Variants in NAGPA observed in about 807,000 individuals in gnomAD.
The protein encoded by NAGPA is alpha-N-acetylglucosaminyl phosphodiesterase.
Under a neutral mutation model 48.5 loss-of-function variants are expected in NAGPA, and 56 were observed. The ratio of observed to expected loss-of-function variants is 1.15; its 90% CI spans 0.93 to 1.44. The LOEUF is 1.44. Among genes scored for constraint, NAGPA ranks in the 40% most tolerant of loss-of-function variants. NAGPA has a pLI of 0.00. For synonymous variants in NAGPA, 399 were observed against 315.5 expected, an observed-to-expected ratio of 1.26 and a Z score of -2.81; for missense variants, 888 against 735.0, an observed-to-expected ratio of 1.21 and a Z score of -2.41.
At position 5,033,586 on chromosome 16, in the gene NAGPA, C is replaced by A; in HGVS notation, c.229G>T (p.Ala77Ser). The A allele has an allele frequency of 6.7e-7, 1 of 1,485,078 alleles. No individual in the cohort carries two copies. The highest frequency in any genetic ancestry group is 8.9e-7 in the Non-Finnish European group (1 of 1,129,084). 92.0% of individuals were successfully genotyped at this position (1,485,078 alleles called of 1,614,324 possible). ...PPATPGAGGL[A>S]VRTFVSHFRD... The stretch of plus-strand genomic sequence containing the variant: ...AAGTGCGACACGAAGGTGCGCACGG[C>A]CAGACCGCCGGCGCCGGGAGTCGCG... The change falls in exon 2 of 10, where the codon GCC (alanine) becomes TCC (serine). Residue 77 changes from alanine to serine, a missense_variant. Transcript: ENST00000312251. The surrounding 1 kb of genome is among the most constrained non-coding windows in gnomAD (Gnocchi z 4.2).
chr16:5,032,694 A>G (rs987602376), intron 2 of NAGPA, among the ~76,000 whole-genome samples: 1 of 151,572 alleles, frequency 6.6e-6, no homozygotes, highest in Non-Finnish European at 1.5e-5. Flanking sequence ...AAAAAAAATC[A>G]TCAGTCTTGA....
chr16:5,027,845 C>T lies in NAGPA; in HGVS notation c.1174+1G>A. ...TCCGCTAGTGGCGTGGCAGCTCCTA[C>T]CTTCACTGCAGTTGGACCCGGTCCA... On this transcript the variant is annotated splice_donor_variant, in intron 7 of 9. Coordinates refer to ENST00000312251, the MANE Select transcript of NAGPA (RefSeq NM_016256.4). LOFTEE classifies it high-confidence loss of function. 6.4e-7 allele frequency: 1 copy of T among 1,558,556 alleles called. No homozygotes were observed. Among genetic ancestry groups the T allele is most frequent in the Non-Finnish European group, 8.7e-7 (1 of 1,151,118 alleles).
chr16:5,029,699 G>GGATC (rs1171449001), intron 4 of NAGPA: 6 of 159,720 alleles, frequency 3.8e-5, no homozygotes, highest in Non-Finnish European at 6.9e-5. Context: ...CGAGGTAGAT[G>GGATC]GATCACCTGA....
chr16:5,025,653 G>C lies in NAGPA; in HGVS notation c.1373C>G (p.Ala458Gly), dbSNP rs139147456. The change falls in exon 10 of 10, where the codon GCC becomes GGC. Residue 458 changes from alanine to glycine, a missense_variant. Transcript: ENST00000312251. ...TGCAGTGCTGATCAGCAGGAGGAAG[G>C]CCAGCGCCAGGGTGAGGGCTAGCCA... is the stretch of plus-strand genomic sequence containing the variant. ...TAWLALTLAL[A>G]FLLLISTAAN... The C allele has an allele frequency of 1.3e-5, 21 of 1,612,978 alleles. No homozygotes were observed. The African/African-American group carries it at 2.1e-4, about 16-fold the overall frequency.
chr16:5,027,408 AGG>A, intron 7 of NAGPA, 29 bp from the exon 8 acceptor site: 2 of 1,608,658 alleles, frequency 1.2e-6, no homozygotes, highest in Non-Finnish European at 1.7e-6. Context: ...AGGAGGGAGG[AGG>A]GAGGAGAAAG....
Position 5,033,626 on chromosome 16 carries a change from A to C in NAGPA, c.189T>G (p.Ser63Arg). ...RVRAGNREHE[S>R]WPPPPATPGA... is the part of the protein sequence containing the mutation. ...CGGGAGTCGCGGGAGGCGGAGGCCA[A>C]CTCTCGTGCTCGCGGTTGCCGGCGC... Residue 63 changes from serine to arginine, a missense_variant, in exon 2 of 10, where the codon AGT becomes AGG. Physicochemically the swap from Ser to Arg is moderately radical, Grantham distance 110. Coordinates refer to ENST00000312251, the MANE Select transcript of NAGPA (RefSeq NM_016256.4). This position sits in a 1 kb window ranked among gnomAD's most constrained non-coding sequence, Gnocchi z 4.2. 1 of 1,527,504 alleles carries C rather than the reference A, an allele frequency of 6.5e-7. No individual in the cohort carries two copies. The highest frequency in any genetic ancestry group is 2.1e-5 in the Admixed American group (1 of 48,270). 94.6% of individuals were successfully genotyped at this position (1,527,504 alleles called of 1,614,324 possible). A position where few individuals can be genotyped will look rare whatever the true frequency, so the allele number is the denominator to read the frequency against.
rs200736428 is a variant in NAGPA at position 5,031,751 on chromosome 16, C to G, written c.676G>C (p.Glu226Gln). Residue 226 changes from glutamate to glutamine, a missense_variant, in exon 3 of 10, where the codon GAG becomes CAG. Physicochemically the swap from Glu to Gln is conservative, Grantham distance 29. Transcript: ENST00000312251. ...SQATECDETQ[E>Q]TGSFSKFVNV... ...AACAGCCTCCCCATCCAACCTGTCT[C>G]CTGTGTCTCGTCACACTCTGTGGCT... The G allele has an allele frequency of 1.0e-4, 167 of 1,614,110 alleles. 3 individuals carry two copies. The Middle Eastern group carries it at 6.4e-3, about 62-fold the overall frequency.
chr16:5,025,453 G>A lies in NAGPA; in HGVS notation c.*25C>T, dbSNP rs372213990. ...CCGTGGGGAAACAAGCTTTCGCGAC[G>A]TGCCACCCCGGGCAGCTTGAGGCTT... On this transcript the variant is annotated 3_prime_UTR_variant, in exon 10 of 10. Transcript: ENST00000312251. 53 of 1,609,936 alleles carry A rather than the reference G, an allele frequency of 3.3e-5. No individual in the cohort carries two copies. The highest frequency in any genetic ancestry group is 1.1e-4 in the South Asian group (10 of 90,984).
At chr16:5,028,704 T>A in intron 5 of NAGPA, 176 bp downstream of exon 5, 21 of 894,548 alleles carry the variant, frequency 2.3e-5, no homozygotes, top group Non-Finnish European at 2.1e-5. Flanking sequence ...GCTGACCAAC[T>A]GACCCTGCTC....
intron 4 of NAGPA, chr16:5,029,251 G>GT (rs1956060620): frequency 1.8e-6 from 1 of 569,552 alleles, no homozygotes; most frequent in African/African-American, 1.9e-5. Flanking sequence ...GAGGATCTGG[G>GT]TGCAGCCACT....
intron 9 of NAGPA, among the ~76,000 whole-genome samples, chr16:5,026,367 G>T (rs910588281): frequency 6.6e-6 from 1 of 151,882 alleles, no homozygotes. Context: ...CCAACATGGC[G>T]AAATCCTGTC....
intron 5 of NAGPA, 193 bp from the exon 6 acceptor site, chr16:5,028,378 G>C: frequency 9.1e-7 from 1 of 1,098,288 alleles, no homozygotes; most frequent in Non-Finnish European, 1.3e-6. Context: ...GTAACCGTAA[G>C]GTGTGCACCA....
chr16:5,030,682 A>T, intron 3 of NAGPA, 189 bp from the exon 4 acceptor site: 1 of 648,450 alleles, frequency 1.5e-6, no homozygotes, highest in Non-Finnish European at 2.8e-6. Flanking sequence ...CTCTTCTTAC[A>T]GGTAAACCAA....
In NAGPA at chr16:5,031,728, CA is replaced by C. The variant is rs1956099502; in HGVS notation, c.682+16del. 6.2e-7 allele frequency: 1 copy of C among 1,613,930 alleles called. No homozygotes were observed. The highest frequency in any genetic ancestry group is 8.5e-7 in the Non-Finnish European group (1 of 1,179,958). ...TGGTTCTCGAGAGGGTTGTTGCCAACAGCCTCCCCATCCAACCTGTCTCCTG... is the reference window on the plus strand; with the variant it reads ...TGGTTCTCGAGAGGGTTGTTGCCAACGCCTCCCCATCCAACCTGTCTCCTG... On this transcript the variant is annotated intron_variant, in intron 3 of 9. Transcript: ENST00000312251.
At chr16:5,032,665 C>T (rs537410040) in intron 2 of NAGPA, among the ~76,000 whole-genome samples, 22 of 150,608 alleles carry the variant, frequency 1.5e-4, no homozygotes, top group South Asian at 1.3e-3. Flanking sequence ...GGCAACAGAG[C>T]AAGACTCTGT....
In NAGPA at chr16:5,025,426, GA is replaced by G. The variant is rs1955977853; in HGVS notation, c.*51del. The G allele has an allele frequency of 6.2e-7, 1 of 1,600,118 alleles. No homozygotes were observed. Among genetic ancestry groups the G allele is most frequent in the East Asian group, 2.2e-5 (1 of 44,762 alleles). On this transcript the variant is annotated 3_prime_UTR_variant, in exon 10 of 10. Coordinates refer to ENST00000312251, the MANE Select transcript of NAGPA (RefSeq NM_016256.4). ...CTTGAAATTTCCCCTGCAGAAGCCA[GA>G]CCGTGGGGAAACAAGCTTTCGCGAC... is the stretch of plus-strand genomic sequence containing the variant.
intron 4 of NAGPA, 39 bp from the exon 5 acceptor site, chr16:5,029,047 C>T (rs764893425): frequency 1.2e-6 from 2 of 1,608,826 alleles, no homozygotes; most frequent in Admixed American, 1.7e-5. Context: ...TCAGCGCCCA[C>T]CATCATTTCT....
chr16:5,032,899 C>A, intron 2 of NAGPA: 1 of 302,778 alleles, frequency 3.3e-6, no homozygotes, highest in Non-Finnish European at 6.2e-6. Context: ...TTCCAGATCA[C>A]CCTCCCTAAA....
Position 5,033,890 on chromosome 16 carries a change from G to A in NAGPA, c.25C>T (p.Leu9Phe). The change falls in exon 1 of 10, where the codon CTT (leucine) becomes TTT (phenylalanine). Residue 9 changes from leucine (L) to phenylalanine (F), a missense_variant. Coordinates refer to ENST00000312251, the MANE Select transcript of NAGPA (RefSeq NM_016256.4). This position sits in a 1 kb window ranked among gnomAD's most constrained non-coding sequence, Gnocchi z 4.2. MATSTGRW[L>F]LLRLALFGFL... ...CCGAATAGTGCAAGCCGGAGGAGAA[G>A]CCAGCGACCCGTGGAGGTCGCCATA... The A allele has an allele frequency of 6.5e-7, 1 of 1,549,302 alleles. No homozygotes were observed. The highest frequency in any genetic ancestry group is 8.7e-7 in the Non-Finnish European group (1 of 1,146,928).
Sources: gnomAD v4.1 joint callset for allele counts (sites outside exome capture counted in the v4.1 genomes callset) on GRCh38, gnomAD v4.1.1 for gene constraint, Gnocchi (gnomAD v3.1) non-coding constraint, MANE v1.5 for transcripts, NCBI Gene and HGNC (gene_info 2026-07-23, HGNC 2026-07-21) for gene names.